DEPDC1: variants seen among roughly 807,000 people sequenced by gnomAD.
The protein encoded by DEPDC1 is DEP domain-containing protein 1A.
In DEPDC1, 66 loss-of-function variants were observed where a neutral mutation model predicts 86.8. That is an observed-to-expected ratio of 0.76 (90% CI 0.62 to 0.93). The LOEUF is 0.93. DEPDC1 is among the 40% of genes least tolerant of loss of function. The pLI is 0.00. For missense variants in DEPDC1, 792 were observed against 935.7 expected (o/e 0.85, Z 2.00); for synonymous variants, 255 against 314.9 (o/e 0.81, Z 2.02).
Position 68,484,220 on chromosome 1 carries a change from A to G in DEPDC1, c.770-130T>C, listed in dbSNP as rs1432624081. ...TAACAACAAATTCTGCCACAGTTCAAAAATTTAAAGGGTGTATTTCATTCT... is the reference window on the plus strand; with the variant it reads ...TAACAACAAATTCTGCCACAGTTCAGAAATTTAAAGGGTGTATTTCATTCT... On this transcript the variant is annotated intron_variant, in intron 6 of 11. Coordinates refer to ENST00000456315, the MANE Select transcript of DEPDC1 (RefSeq NM_001114120.3). 3 of 622,210 alleles carry G rather than the reference A, an allele frequency of 4.8e-6. No individual in the cohort carries two copies. The African/African-American group carries it at 5.8e-5, about 12-fold the overall frequency. 38.5% of individuals were successfully genotyped at this position (622,210 alleles called of 1,614,324 possible).
intron 7 of DEPDC1, 131 bp downstream of exon 7, chr1:68,483,819 T>A (rs1646174322): frequency 3.2e-6 from 2 of 634,218 alleles, no homozygotes; most frequent in Non-Finnish European, 4.9e-6. Flanking sequence ...CTCGGAACCT[T>A]ATTTCACTGA....
rs892004591 is a variant in DEPDC1, at chr1:68,476,213, T to C, written c.*719A>G. The C allele has an allele frequency of 5.3e-5, 8 of 151,922 alleles. No homozygotes were observed. Among genetic ancestry groups the C allele is most frequent in the East Asian group, 3.9e-4 (2 of 5,192 alleles). 9.4% of individuals were successfully genotyped at this position (151,922 alleles called of 1,614,324 possible). ...CATATCTGGAACAACGAAAGGCACA[T>C]AGCAGTTGCTAAATAAATATCTTTT... On this transcript the variant is annotated 3_prime_UTR_variant, in exon 12 of 12. Transcript: ENST00000456315.
At chr1:68,495,550 A>T (rs545180573) in intron 1 of DEPDC1, among the ~76,000 whole-genome samples, 42 of 152,328 alleles carry the variant, frequency 2.8e-4, no homozygotes, top group Non-Finnish European at 4.3e-4. Flanking sequence ...CTAGAAACTG[A>T]TATTGAGCTG....
At chr1:68,483,321 C>G in intron 7 of DEPDC1, 1 of 518,672 alleles carries the variant, frequency 1.9e-6, no homozygotes, top group Non-Finnish European at 3.8e-6. Context: ...TGATAGAAGT[C>G]TTTAGTTACT....
intron 7 of DEPDC1, chr1:68,483,239 T>C (rs1646170365): frequency 1.9e-6 from 1 of 526,152 alleles, no homozygotes; most frequent in Admixed American, 2.0e-5. Context: ...TGTGGTATAA[T>C]AAAATACATA....
chr1:68,478,558 G>A (rs139641265), intron 10 of DEPDC1, among the ~76,000 whole-genome samples: 54 of 151,560 alleles, frequency 3.6e-4, no homozygotes, highest in Non-Finnish European at 6.0e-4. Context: ...ATATTAGAAT[G>A]GTATGTATGG....
Position 68,489,621 on chromosome 1 carries a change from C to A in DEPDC1, c.315-13G>T. ...AGTTGCAGGAAATCTGGTTTAAAAA[C>A]AATAAGCAATTAAATAATGTGAGAT... On this transcript the variant is annotated splice_polypyrimidine_tract_variant and intron_variant, in intron 2 of 11. Transcript: ENST00000456315. The A allele has an allele frequency of 6.6e-7, 1 of 1,518,244 alleles. No individual in the cohort carries two copies. Among genetic ancestry groups the A allele is most frequent in the Non-Finnish European group, 8.7e-7 (1 of 1,143,520 alleles). 94.0% of individuals were successfully genotyped at this position (1,518,244 alleles called of 1,614,324 possible). A position where few individuals can be genotyped will look rare whatever the true frequency, so the allele number is the denominator to read the frequency against.
At chr1:68,479,061 C>T (rs1646136096) in intron 10 of DEPDC1, 83 bp downstream of exon 10, 1 of 1,235,928 alleles carries the variant, frequency 8.1e-7, no homozygotes, top group Non-Finnish European at 1.1e-6. Context: ...GATAAAGTCT[C>T]CCTTTTTGAT....
In DEPDC1 at chr1:68,496,718, C is replaced by G. The variant is rs755495354; in HGVS notation, c.48+234G>C. 4.5e-6 allele frequency: 2 copies of G among 445,558 alleles called. No homozygotes were observed. Among genetic ancestry groups the G allele is most frequent in the East Asian group, 3.6e-5 (1 of 27,842 alleles). 27.6% of individuals were successfully genotyped at this position (445,558 alleles called of 1,614,324 possible). ...CTCATAGCGAGTCTGGTGCGGCCTA[C>G]GCGCGGCGCTTCCTTTCGGACCTGA... is the stretch of plus-strand genomic sequence containing the variant. On this transcript the variant is annotated intron_variant, in intron 1 of 11. Coordinates refer to ENST00000456315, the MANE Select transcript of DEPDC1 (RefSeq NM_001114120.3). This position sits in a 1 kb window ranked among gnomAD's most constrained non-coding sequence, Gnocchi z 4.0.
chr1:68,482,338 A>G lies in DEPDC1; in HGVS notation c.1470T>C (p.Thr490=), dbSNP rs1376517410. The change falls in exon 8 of 12, where the codon ACT becomes ACC. Residue 490 remains threonine (T), a synonymous_variant. Coordinates refer to ENST00000456315, the MANE Select transcript of DEPDC1 (RefSeq NM_001114120.3). ...TACACAACTCCTCTTGGTCTTGAAC[A>G]GTCAAAGTAGAGGTTCTCTTAAAAC... ...SAGFKRTSTL[T]VQDQEELCNG... is the part of the protein sequence containing the mutation. The G allele has an allele frequency of 6.2e-7, 1 of 1,612,918 alleles. No homozygotes were observed. The highest frequency in any genetic ancestry group is 8.5e-7 in the Non-Finnish European group (1 of 1,179,304).
In DEPDC1 at chr1:68,479,149, C is replaced by T; in HGVS notation, c.2107G>A (p.Gly703Arg). ...VEKHLDYLKK[G>R]HIENPGDGLF... ...TTAAGACTCACAATACTTACATGTCCCTTTTTTAAGTAGTCAAGATGTTTT... is the reference window on the plus strand; with the variant it reads ...TTAAGACTCACAATACTTACATGTCTCTTTTTTAAGTAGTCAAGATGTTTT... The change falls in exon 10 of 12, where the codon GGA becomes AGA. Residue 703 changes from glycine (G) to arginine (R), a missense_variant. Coordinates refer to ENST00000456315, the MANE Select transcript of DEPDC1 (RefSeq NM_001114120.3). The T allele has an allele frequency of 6.2e-7, 1 of 1,606,662 alleles. No homozygotes were observed. Among genetic ancestry groups the T allele is most frequent in the Non-Finnish European group, 8.5e-7 (1 of 1,177,194 alleles).
rs757245539 is a variant in DEPDC1, at chr1:68,477,011, G to C, written c.2357C>G (p.Ala786Gly). Residue 786 changes from alanine (A) to glycine (G), a missense_variant, in exon 12 of 12, where the codon GCA becomes GGA. Coordinates refer to ENST00000456315, the MANE Select transcript of DEPDC1 (RefSeq NM_001114120.3). ...TGTAGGTTTGTCACCAAAAAGTGCT[G>C]CTTCACTCTCCGTGGTTGGAAATCT... Reference protein sequence around the residue: ...QKRFPTTESEAALFGDKPTIK... With the variant: ...QKRFPTTESEGALFGDKPTIK... 1.2e-6 allele frequency: 2 copies of C among 1,606,904 alleles called. No homozygotes were observed. The highest frequency in any genetic ancestry group is 1.7e-5 in the Admixed American group (1 of 59,448).
Position 68,485,580 on chromosome 1 carries a change from G to C in DEPDC1, c.769+1357C>G, listed in dbSNP as rs370589612. Among the ~76,000 whole-genome samples, 8 of 152,186 alleles carry C rather than the reference G, an allele frequency of 5.3e-5. No individual in the cohort carries two copies. In the South Asian group the frequency reaches 8.3e-4, roughly 16 times the overall value. ...GTATCGTTTAGGTATTACATAGACT[G>C]AAACGAGAAGGAAGACAGAATCCCT... On this transcript the variant is annotated intron_variant, in intron 6 of 11. Coordinates refer to ENST00000456315, the MANE Select transcript of DEPDC1 (RefSeq NM_001114120.3).
chr1:68,481,917 C>T, intron 8 of DEPDC1, 129 bp downstream of exon 8: 1 of 971,586 alleles, frequency 1.0e-6, no homozygotes, highest in Non-Finnish European at 1.4e-6. Flanking sequence ...AGACAAAAGT[C>T]TTTTTAAATA....
At chr1:68,487,062 G>A in intron 5 of DEPDC1, 78 bp from the exon 6 acceptor site, 1 of 1,316,224 alleles carries the variant, frequency 7.6e-7, no homozygotes, top group South Asian at 1.5e-5. Flanking sequence ...ACACTTACGT[G>A]CAATTATATA....
intron 10 of DEPDC1, among the ~76,000 whole-genome samples, chr1:68,478,416 A>G: frequency 6.7e-6 from 1 of 150,086 alleles, no homozygotes; most frequent in East Asian, 1.9e-4. Context: ...CAGCATATTT[A>G]CTGAAATGAA....
At chr1:68,480,843 T>A (rs1274337360) in intron 9 of DEPDC1, among the ~76,000 whole-genome samples, 3 of 152,054 alleles carry the variant, frequency 2.0e-5, no homozygotes, top group African/African-American at 7.2e-5. Flanking sequence ...TGAAGTTGCA[T>A]TTTGAGGAAG....
chr1:68,481,779 T>C, intron 8 of DEPDC1, 167 bp from the exon 9 acceptor site: 1 of 655,782 alleles, frequency 1.5e-6, no homozygotes, highest in Non-Finnish European at 2.4e-6. Context: ...TCTCATTATT[T>C]TCTTTACAAC....
rs1482202323 is a variant in DEPDC1 at position 68,481,666 on chromosome 1, T to C, written c.1763-54A>G. ...TCATCAATGACACTAGTTGCTTTCA[T>C]ACTACCAGTATATACAGCTATATAA... On this transcript the variant is annotated intron_variant, in intron 8 of 11. Transcript: ENST00000456315. 12 of 1,404,038 alleles carry C rather than the reference T, an allele frequency of 8.5e-6. No homozygotes were observed. In the Admixed American group the frequency reaches 2.0e-4, roughly 23 times the overall value. The allele number at this position is 1,404,038 out of a possible 1,614,324, so 87.0% of individuals were successfully genotyped here. A position where few individuals can be genotyped will look rare whatever the true frequency, so the allele number is the denominator to read the frequency against.
Sources: allele counts gnomAD v4.1 joint callset (sites outside exome capture counted in the v4.1 genomes callset), GRCh38; gene constraint gnomAD v4.1.1; non-coding constraint Gnocchi (gnomAD v3.1); transcripts MANE v1.5; gene names NCBI Gene and HGNC (gene_info 2026-07-23, HGNC 2026-07-21).